PKIA: variants seen among roughly 807,000 people sequenced by gnomAD.
The protein encoded by PKIA is cAMP-dependent protein kinase inhibitor alpha.
Under a neutral mutation model 7.6 loss-of-function variants are expected in PKIA, and 4 were observed. The ratio of observed to expected loss-of-function variants is 0.52; its 90% CI spans 0.26 to 1.20. The LOEUF is 1.20. Among genes scored for constraint, PKIA ranks in the 50% most tolerant of loss-of-function variants. PKIA has a pLI of 0.13. For missense variants in PKIA, 73 were observed against 86.2 expected (o/e 0.85, Z 0.61); for synonymous variants, 21 against 30.7 (o/e 0.68, Z 1.04).
At chr8:78,539,241 CATG>C (rs1246771782) in intron 1 of PKIA, among the ~76,000 whole-genome samples, 7 of 151,992 alleles carry the variant, frequency 4.6e-5, no homozygotes, top group African/African-American at 1.7e-4. Context: ...AGAAAATGAA[CATG>C]ATAATTCTTT....
At chr8:78,539,328 G>A (rs1045652850) in intron 1 of PKIA, among the ~76,000 whole-genome samples, 2 of 152,052 alleles carry the variant, frequency 1.3e-5, no homozygotes, top group African/African-American at 4.8e-5. Flanking sequence ...TTCAGGAAAT[G>A]GCAGTTGCAT....
chr8:78,579,656 A>G (rs1807760726), intron 2 of PKIA, among the ~76,000 whole-genome samples: 1 of 152,108 alleles, frequency 6.6e-6, no homozygotes, highest in South Asian at 2.1e-4. Flanking sequence ...AGCAATGAGC[A>G]AGTTTATTAA....
At chr8:78,576,902 T>C (rs1284089414) in intron 2 of PKIA, among the ~76,000 whole-genome samples, 2 of 151,990 alleles carry the variant, frequency 1.3e-5, no homozygotes, top group African/African-American at 4.8e-5. Context: ...TGCAGCACCA[T>C]TCACAATAGC....
At chr8:78,575,974 G>A (rs1807665267) in intron 2 of PKIA, among the ~76,000 whole-genome samples, 1 of 152,016 alleles carries the variant, frequency 6.6e-6, no homozygotes, top group Non-Finnish European at 1.5e-5. Context: ...TTTACTTGAA[G>A]ACTACTGCCC....
At chr8:78,532,563 A>G (rs1806415277) in intron 1 of PKIA, among the ~76,000 whole-genome samples, 1 of 151,794 alleles carries the variant, frequency 6.6e-6, no homozygotes, top group Non-Finnish European at 1.5e-5. Flanking sequence ...TTAATTGAAC[A>G]TTCACTGAGC....
At chr8:78,576,695 T>TG (rs1332192840) in intron 2 of PKIA, among the ~76,000 whole-genome samples, 6 of 152,018 alleles carry the variant, frequency 3.9e-5, no homozygotes, top group Non-Finnish European at 8.8e-5. Context: ...CAGCTTTAGG[T>TG]GGTTAGGCAA....
intron 1 of PKIA, among the ~76,000 whole-genome samples, chr8:78,566,472 C>T (rs1490518379): frequency 6.6e-6 from 1 of 151,886 alleles, no homozygotes; most frequent in Admixed American, 6.6e-5. Context: ...CAAAGATTTC[C>T]CCTGTGGAGA....
chr8:78,600,972 C>T (rs1808337857), intron 3 of PKIA, among the ~76,000 whole-genome samples: 1 of 152,038 alleles, frequency 6.6e-6, no homozygotes, highest in Non-Finnish European at 1.5e-5. Context: ...GCCATACTGG[C>T]TGCCTGATAA....
At chr8:78,573,436 T>C (rs1364995694) in intron 2 of PKIA, among the ~76,000 whole-genome samples, 1 of 151,910 alleles carries the variant, frequency 6.6e-6, no homozygotes, top group African/African-American at 2.4e-5. Flanking sequence ...TATAGGGAGT[T>C]GAAAGGGAGG....
chr8:78,551,814 C>T (rs1806990998), intron 1 of PKIA, among the ~76,000 whole-genome samples: 1 of 151,932 alleles, frequency 6.6e-6, no homozygotes, highest in South Asian at 2.1e-4. Flanking sequence ...AAAACATTCT[C>T]TGTGATTCTT....
chr8:78,602,694 A>AT lies in PKIA; in HGVS notation c.*873_*874insT, dbSNP rs1563597433. On this transcript the variant is annotated 3_prime_UTR_variant, in exon 4 of 4. Coordinates refer to ENST00000396418, the MANE Select transcript of PKIA (RefSeq NM_006823.4). ...CTCAAGTGGAGAACTTCTCCCACAT[A>AT]ATATATATATATATATATATTTTAA... 15 of 136,952 alleles carry AT rather than the reference A, an allele frequency of 1.1e-4. No individual in the cohort carries two copies. Among genetic ancestry groups the AT allele is most frequent in the Admixed American group, 2.1e-4 (3 of 13,962 alleles). The allele number at this position is 136,952 out of a possible 1,614,324, so 8.5% of individuals were successfully genotyped here. A position where few individuals can be genotyped will look rare whatever the true frequency, so the allele number is the denominator to read the frequency against.
intron 1 of PKIA, among the ~76,000 whole-genome samples, chr8:78,529,455 AAG>A (rs1806338807): frequency 6.6e-6 from 1 of 152,064 alleles, no homozygotes; most frequent in Non-Finnish European, 1.5e-5. Context: ...ACTTAAGTAA[AAG>A]AAAGTTTTCT....
At chr8:78,553,773 T>G (rs1421198070) in intron 1 of PKIA, among the ~76,000 whole-genome samples, 2 of 151,278 alleles carry the variant, frequency 1.3e-5, no homozygotes, top group African/African-American at 4.9e-5. Flanking sequence ...GGAAGAGGGT[T>G]AGATGACCAA....
At chr8:78,547,586 T>C (rs1433688774) in intron 1 of PKIA, among the ~76,000 whole-genome samples, 1 of 152,214 alleles carries the variant, frequency 6.6e-6, no homozygotes, top group East Asian at 1.9e-4. Context: ...CTTTGAGTCA[T>C]ATGAATACTT....
At position 78,601,885 on chromosome 8, in the gene PKIA, C is replaced by T; in HGVS notation, c.*64C>T. 1 of 1,208,048 alleles carries T rather than the reference C, an allele frequency of 8.3e-7. No homozygotes were observed. The highest frequency in any genetic ancestry group is 1.2e-6 in the Non-Finnish European group (1 of 821,154). The allele number at this position is 1,208,048 out of a possible 1,614,324, so 74.8% of individuals were successfully genotyped here. On this transcript the variant is annotated 3_prime_UTR_variant, in exon 4 of 4. Coordinates refer to ENST00000396418, the MANE Select transcript of PKIA (RefSeq NM_006823.4). Reference sequence around the variant, plus strand: ...CAAATCTCCAGGAGTATCTGGAATGCATTTGTTTCCATGAGTGAAAAGAGG... The same window carrying T: ...CAAATCTCCAGGAGTATCTGGAATGTATTTGTTTCCATGAGTGAAAAGAGG...
intron 1 of PKIA, among the ~76,000 whole-genome samples, chr8:78,568,559 C>T (rs972410704): frequency 6.6e-5 from 10 of 151,988 alleles, no homozygotes; most frequent in African/African-American, 2.4e-4. Flanking sequence ...TAGGAGGCAC[C>T]AAATAGTGAA....
At chr8:78,576,075 GAGCCTCATGTTT>G (rs1807667591) in intron 2 of PKIA, among the ~76,000 whole-genome samples, 1 of 151,878 alleles carries the variant, frequency 6.6e-6, no homozygotes, top group African/African-American at 2.4e-5. Context: ...TATTGGATTA[GAGCCTCATGTTT>G]AAGACCTTAT....
chr8:78,566,524 T>C (rs953183319), intron 1 of PKIA, among the ~76,000 whole-genome samples: 2 of 152,038 alleles, frequency 1.3e-5, no homozygotes, highest in African/African-American at 4.8e-5. Context: ...GTAATACAAA[T>C]GCCAGTATCA....
At chr8:78,541,957 C>G (rs1806704291) in intron 1 of PKIA, among the ~76,000 whole-genome samples, 1 of 151,848 alleles carries the variant, frequency 6.6e-6, no homozygotes, top group Non-Finnish European at 1.5e-5. Context: ...ATTACTTGAG[C>G]CCAGGAGTTC....
Sources: allele counts gnomAD v4.1 joint callset (sites outside exome capture counted in the v4.1 genomes callset), GRCh38; gene constraint gnomAD v4.1.1; transcripts MANE v1.5; gene names NCBI Gene and HGNC (gene_info 2026-07-23, HGNC 2026-07-21).